The following GFPT2 variants were observed in gnomAD, a reference collection of about 807,000 sequenced individuals.
GFPT2 encodes glutamine--fructose-6-phosphate aminotransferase [isomerizing] 2.
In GFPT2, 62 loss-of-function variants were observed where a neutral mutation model predicts 85.6. That is an observed-to-expected ratio of 0.72 (90% CI 0.59 to 0.90). The LOEUF is 0.90. Ranked by LOEUF, GFPT2 falls within the 40% of genes least tolerant of loss-of-function variation. GFPT2 has a pLI of 0.00. For missense variants in GFPT2, 788 were observed against 893.4 expected (o/e 0.88, Z 1.50); for synonymous variants, 368 against 344.5 (o/e 1.07, Z -0.75).
chr5:180,309,109 T>G (rs1284374128), intron 15 of GFPT2, among the ~76,000 whole-genome samples: 1 of 151,996 alleles, frequency 6.6e-6, no homozygotes, highest in Non-Finnish European at 1.5e-5. Flanking sequence ...CCTGACCTCA[T>G]GATCCACCCA....
At chr5:180,315,935 G>C (rs1322548445) in intron 13 of GFPT2, among the ~76,000 whole-genome samples, 2 of 152,216 alleles carry the variant, frequency 1.3e-5, no homozygotes, top group African/African-American at 4.8e-5. Flanking sequence ...TGGGCACAGA[G>C]CCCATACTGG....
chr5:180,307,324 A>G, intron 15 of GFPT2, 21 bp from the exon 16 acceptor site: 1 of 1,613,320 alleles, frequency 6.2e-7, no homozygotes, highest in Non-Finnish European at 8.5e-7. Context: ...CACGGAGCAG[A>G]GGGAGAAAAC....
intron 1 of GFPT2, among the ~76,000 whole-genome samples, chr5:180,348,115 C>T (rs1194539500): frequency 6.6e-6 from 1 of 152,202 alleles, no homozygotes; most frequent in East Asian, 1.9e-4. Context: ...CCATCTGTTG[C>T]TTCTCCGAAC....
rs1195511608 is a variant in GFPT2, at chr5:180,323,570, A to AT, written c.794+617dup. On this transcript the variant is annotated intron_variant, in intron 9 of 18. Transcript: ENST00000253778. The surrounding 1 kb of genome is among the most constrained non-coding windows in gnomAD (Gnocchi z 4.0). ...TCTCTGTGTGTGTGTGAGTGTGTGT[A>AT]TAACTTTTTTTTTTTCTGAAATGAG... Among the ~76,000 whole-genome samples, 1 of 151,922 alleles carries AT rather than the reference A, an allele frequency of 6.6e-6. No homozygotes were observed. The highest frequency in any genetic ancestry group is 2.4e-5 in the African/African-American group (1 of 41,362).
At chr5:180,304,995 C>T in intron 16 of GFPT2, 56 bp from the exon 17 acceptor site, 1 of 1,267,166 alleles carries the variant, frequency 7.9e-7, no homozygotes, top group Non-Finnish European at 1.1e-6. Flanking sequence ...TGGAGCAGAT[C>T]AGCCAGAGGG....
Position 180,341,008 on chromosome 5 carries a change from T to A in GFPT2, c.8-2408A>T, listed in dbSNP as rs150281574. ...TGAGAAGTCCCTGTGGGCCGGGCAC[T>A]GGGCCACCAGTTCCCACAGGGTCAT... is the stretch of plus-strand genomic sequence containing the variant. On this transcript the variant is annotated intron_variant, in intron 1 of 18. Transcript: ENST00000253778. Among the ~76,000 whole-genome samples, 661 of 152,256 alleles carry A rather than the reference T, an allele frequency of 4.3e-3. 5 individuals carry two copies. The highest frequency in any genetic ancestry group is 0.015 in the African/African-American group (629 of 41,562).
At chr5:180,307,873 GA>G (rs1763810003) in intron 15 of GFPT2, among the ~76,000 whole-genome samples, 1 of 152,150 alleles carries the variant, frequency 6.6e-6, no homozygotes, top group Non-Finnish European at 1.5e-5. Flanking sequence ...CGCACTTTGG[GA>G]GGCCGAGGCG....
At chr5:180,339,094 C>A (rs1034236342) in intron 1 of GFPT2, among the ~76,000 whole-genome samples, 13 of 152,070 alleles carry the variant, frequency 8.5e-5, no homozygotes, top group Admixed American at 2.0e-4. Context: ...ATAAGCACTA[C>A]TTGAGCCGGG....
At chr5:180,331,405 C>G (rs1218251274) in intron 5 of GFPT2, 90 bp downstream of exon 5, 2 of 790,416 alleles carry the variant, frequency 2.5e-6, no homozygotes, top group Admixed American at 2.0e-5. Flanking sequence ...AGTTCCCACA[C>G]TGGTTTCCGC....
chr5:180,340,968 A>G (rs1298978014), intron 1 of GFPT2, among the ~76,000 whole-genome samples: 1 of 152,178 alleles, frequency 6.6e-6, no homozygotes, highest in Non-Finnish European at 1.5e-5. Context: ...AGGCCACAAC[A>G]GCGACTCGCC....
chr5:180,350,939 C>G (rs1253496042), intron 1 of GFPT2, among the ~76,000 whole-genome samples: 1 of 152,180 alleles, frequency 6.6e-6, no homozygotes, highest in Non-Finnish European at 1.5e-5. Context: ...GATCTGAGAC[C>G]CGAGGCCTGC....
At chr5:180,313,697 A>C in intron 14 of GFPT2, 110 bp downstream of exon 14, 1 of 806,718 alleles carries the variant, frequency 1.2e-6, no homozygotes, top group Non-Finnish European at 1.8e-6. Context: ...TGAGGCGGGA[A>C]GGGGAAAGAA....
Position 180,328,184 on chromosome 5 carries a change from C to T in GFPT2, c.596+93G>A, listed in dbSNP as rs1026729793. The T allele has an allele frequency of 8.5e-6, 8 of 944,144 alleles. No individual in the cohort carries two copies. Among genetic ancestry groups the T allele is most frequent in the African/African-American group, 3.2e-5 (2 of 62,292 alleles). 58.5% of individuals were successfully genotyped at this position (944,144 alleles called of 1,614,324 possible). A position where few individuals can be genotyped will look rare whatever the true frequency, so the allele number is the denominator to read the frequency against. On this transcript the variant is annotated intron_variant, in intron 7 of 18. Coordinates refer to ENST00000253778, the MANE Select transcript of GFPT2 (RefSeq NM_005110.4). The surrounding 1 kb of genome is among the most constrained non-coding windows in gnomAD (Gnocchi z 5.4). ...TTTAGACACCACGAGCACCTTTCAG[C>T]GTGCCACAGGCCCTACCTCTCCCGT...
At chr5:180,303,881 G>C (rs982023555) in intron 17 of GFPT2, among the ~76,000 whole-genome samples, 2 of 152,182 alleles carry the variant, frequency 1.3e-5, no homozygotes, top group Admixed American at 1.3e-4. Context: ...TGGGCCTGTA[G>C]ATAGTTCCAG....
At position 180,347,118 on chromosome 5, in the gene GFPT2, A is replaced by G. The variant is rs561766931; in HGVS notation, c.7+6093T>C. On this transcript the variant is annotated intron_variant, in intron 1 of 18. Coordinates refer to ENST00000253778, the MANE Select transcript of GFPT2 (RefSeq NM_005110.4). ...AGGGGCTGGACAGGGAGGTGCCTTC[A>G]GGTTCCCAAGAGCCTGCAGAGGGTT... is the stretch of plus-strand genomic sequence containing the variant. Among the ~76,000 whole-genome samples the G allele has an allele frequency of 1.4e-4, 22 of 152,366 alleles. No homozygotes were observed. The South Asian group carries it at 4.3e-3, about 30-fold the overall frequency.
chr5:180,308,959 A>G (rs10794705), intron 15 of GFPT2, among the ~76,000 whole-genome samples: 52,095 of 150,932 alleles, frequency 0.35, 9,466 homozygotes, highest in East Asian at 0.49. Context: ...AACCTCGGCC[A>G]CCCGGGTTCA....
Position 180,319,049 on chromosome 5 carries a change from C to T in GFPT2, c.795-93G>A, listed in dbSNP as rs1764069433. On this transcript the variant is annotated intron_variant, in intron 9 of 18. Coordinates refer to ENST00000253778, the MANE Select transcript of GFPT2 (RefSeq NM_005110.4). ...TGGTTCCCAAGCGTGGAGGCCACAT[C>T]GTTGGCATTTTAGGAGGGACAGAGA... 1.1e-5 allele frequency: 13 copies of T among 1,207,820 alleles called. No homozygotes were observed. The East Asian group carries it at 1.9e-4, about 18-fold the overall frequency. The allele number at this position is 1,207,820 out of a possible 1,614,324, so 74.8% of individuals were successfully genotyped here.
At chr5:180,327,634 C>T (rs1481252688) in intron 7 of GFPT2, among the ~76,000 whole-genome samples, 1 of 152,230 alleles carries the variant, frequency 6.6e-6, no homozygotes, top group Non-Finnish European at 1.5e-5. Context: ...GTCCCCAGGG[C>T]CCAGCACACA....
At position 180,331,558 on chromosome 5, in the gene GFPT2, A is replaced by C. The variant is rs1764301121; in HGVS notation, c.341-5T>G. On this transcript the variant is annotated splice_region_variant and splice_polypyrimidine_tract_variant and intron_variant, in intron 4 of 18. Coordinates refer to ENST00000253778, the MANE Select transcript of GFPT2 (RefSeq NM_005110.4). ...CATTGTGGATGACAACAAATTCTGA[A>C]AGAAAAGTTAAGAGAGAAATGCTAT... 6.6e-7 allele frequency: 1 copy of C among 1,518,536 alleles called. No homozygotes were observed. The highest frequency in any genetic ancestry group is 1.1e-5 in the South Asian group (1 of 89,048). 94.1% of individuals were successfully genotyped at this position (1,518,536 alleles called of 1,614,324 possible).
Sources: allele counts gnomAD v4.1 joint callset (sites outside exome capture counted in the v4.1 genomes callset), GRCh38; gene constraint gnomAD v4.1.1; non-coding constraint Gnocchi (gnomAD v3.1); transcripts MANE v1.5; gene names NCBI Gene and HGNC (gene_info 2026-07-23, HGNC 2026-07-21).